The following JADE2 variants were observed in gnomAD, a reference collection of about 807,000 sequenced individuals.
The protein encoded by JADE2 is jade family PHD finger 2, also known as E3 ubiquitin-protein ligase Jade-2.
Under a neutral mutation model 85.7 loss-of-function variants are expected in JADE2, and 13 were observed. That is an observed-to-expected ratio of 0.15 (90% CI 0.10 to 0.24). The LOEUF is 0.24. JADE2 is among the 10% of genes least tolerant of loss of function. The pLI, the probability that JADE2 is intolerant of heterozygous loss-of-function variation, is 1.00. For synonymous variants in JADE2, 440 were observed against 456.1 expected, an observed-to-expected ratio of 0.96 and a Z score of 0.45; for missense variants, 846 against 1,115.9, an observed-to-expected ratio of 0.76 and a Z score of 3.45.
Position 134,535,899 on chromosome 5 carries a change from C to T in JADE2, c.42C>T (p.Asn14=), listed in dbSNP as rs768043765. 6 of 1,613,816 alleles carry T rather than the reference C, an allele frequency of 3.7e-6. No homozygotes were observed. The highest frequency in any genetic ancestry group is 5.1e-6 in the Non-Finnish European group (6 of 1,179,724). Reference sequence around the variant, plus strand: ...GAAAATACTCCATCAGCAGTGACAACTCTGACACCACTGACAGTAAGGCCT... The same window carrying T: ...GAAAATACTCCATCAGCAGTGACAATTCTGACACCACTGACAGTAAGGCCT... ...KRRKYSISSD[N]SDTTDSHATS... The change falls in exon 2 of 12, where the codon AAC becomes AAT. Residue 14 remains asparagine, a synonymous_variant. Coordinates refer to ENST00000681547, the MANE Select transcript of JADE2 (RefSeq NM_001388185.1).
chr5:134,526,642 C>G, intron 1 of JADE2: 8 of 985,544 alleles, frequency 8.1e-6, no homozygotes, highest in Non-Finnish European at 9.6e-6. Context: ...GTCGCCCCCT[C>G]TCCCGGCCCG....
intron 10 of JADE2, chr5:134,574,280 C>A (rs183417780): frequency 4.5e-4 from 86 of 190,516 alleles, no homozygotes; most frequent in South Asian, 1.4e-3. Context: ...TCTTATTATT[C>A]TTATTCTCTT....
intron 2 of JADE2, among the ~76,000 whole-genome samples, chr5:134,536,304 C>G (rs1177685593): frequency 2.0e-5 from 3 of 152,152 alleles, no homozygotes; most frequent in Non-Finnish European, 4.4e-5. Flanking sequence ...GTACCATTTC[C>G]CAATCAGTGG....
intron 1 of JADE2, among the ~76,000 whole-genome samples, chr5:134,535,409 G>A (rs1037481014): frequency 4.6e-5 from 7 of 152,206 alleles, no homozygotes; most frequent in South Asian, 4.2e-4. Flanking sequence ...CCTAACTTCC[G>A]ACAGCATGGT....
rs1053109167 is a variant in JADE2, at chr5:134,580,670, C to G, written c.*1353C>G. On this transcript the variant is annotated 3_prime_UTR_variant, in exon 12 of 12. Transcript: ENST00000681547. ...CTTGCAAAAAGTCCAGTGAATCAGT[C>G]GAATCATTCTGTGGATGCCAAAGAA... 1.5e-4 allele frequency: 23 copies of G among 152,346 alleles called. No individual in the cohort carries two copies. The highest frequency in any genetic ancestry group is 5.6e-4 in the African/African-American group (23 of 41,366). 9.4% of individuals were successfully genotyped at this position (152,346 alleles called of 1,614,324 possible).
intron 11 of JADE2, among the ~76,000 whole-genome samples, chr5:134,577,220 C>G (rs1764431413): frequency 6.6e-6 from 1 of 152,236 alleles, no homozygotes; most frequent in Non-Finnish European, 1.5e-5. Context: ...GGGACAGCCC[C>G]ATGCTGGGAG....
chr5:134,550,182 C>T (rs906380478), intron 3 of JADE2, among the ~76,000 whole-genome samples: 1 of 152,218 alleles, frequency 6.6e-6, no homozygotes, highest in Admixed American at 6.5e-5. Context: ...TTCACACTGG[C>T]ACCCTAATTA....
Position 134,582,116 on chromosome 5 carries a change from C to T in JADE2, c.*2799C>T, listed in dbSNP as rs371475959. The T allele has an allele frequency of 2.6e-5, 4 of 152,234 alleles. No individual in the cohort carries two copies. In the East Asian group the frequency reaches 5.8e-4, roughly 22 times the overall value. The allele number at this position is 152,234 out of a possible 1,614,324, so 9.4% of individuals were successfully genotyped here. ...TGTAACTCATTCTGGCTATCGTCCC[C>T]CTTCTCACTGACCTGACCGCCCACC... On this transcript the variant is annotated 3_prime_UTR_variant, in exon 12 of 12. Transcript: ENST00000681547.
chr5:134,577,377 A>T (rs1429917432), intron 11 of JADE2, among the ~76,000 whole-genome samples: 1 of 152,182 alleles, frequency 6.6e-6, no homozygotes, highest in Non-Finnish European at 1.5e-5. Flanking sequence ...CCACTGTCCC[A>T]GGCCTCCTGT....
chr5:134,529,711 G>T (rs1761105533), intron 1 of JADE2, among the ~76,000 whole-genome samples: 1 of 152,258 alleles, frequency 6.6e-6, no homozygotes, highest in African/African-American at 2.4e-5. Flanking sequence ...AGGCCAGAGA[G>T]CCAGCTCGCT....
At chr5:134,568,031 G>A (rs918320783) in intron 9 of JADE2, among the ~76,000 whole-genome samples, 1 of 152,182 alleles carries the variant, frequency 6.6e-6, no homozygotes, top group Non-Finnish European at 1.5e-5. Flanking sequence ...GTCTCCACCC[G>A]CTGGATCTCC....
chr5:134,570,130 G>A (rs1192625879), intron 9 of JADE2, among the ~76,000 whole-genome samples: 2 of 152,174 alleles, frequency 1.3e-5, no homozygotes, highest in African/African-American at 2.4e-5. Context: ...CACCCAGTAA[G>A]AGCCACTCCC....
Position 134,560,837 on chromosome 5 carries a change from G to A in JADE2, c.564G>A (p.Thr188=), listed in dbSNP as rs147705994. ...CHQNMARAIE[T]QEGLGIEYDE... ...AGAATATGGCCAGGGCCATTGAGACGCAGGAGGGGCTGGGCATCGAGTACG... is the reference window on the plus strand; with the variant it reads ...AGAATATGGCCAGGGCCATTGAGACACAGGAGGGGCTGGGCATCGAGTACG... Residue 188 remains threonine, a synonymous_variant, in exon 6 of 12, where the codon ACG becomes ACA. Transcript: ENST00000681547. 296 of 1,614,106 alleles carry A rather than the reference G, an allele frequency of 1.8e-4. No individual in the cohort carries two copies. Among genetic ancestry groups the A allele is most frequent in the Non-Finnish European group, 2.5e-4 (292 of 1,180,038 alleles).
At chr5:134,535,386 G>C (rs188506103) in intron 1 of JADE2, among the ~76,000 whole-genome samples, 85 of 152,232 alleles carry the variant, frequency 5.6e-4, no homozygotes, top group Middle Eastern at 3.4e-3. Flanking sequence ...AGTGTTTTCT[G>C]TGCTGGCTTG....
chr5:134,557,375 C>CTTT lies in JADE2; in HGVS notation c.312-2441_312-2439dup, dbSNP rs59421890. ...ATTCAGTCTTTTACATTGAAAATAA[C>CTTT]TTTTTTTTTTTTTTTTAATTATACT... On this transcript the variant is annotated intron_variant, in intron 4 of 11. Transcript: ENST00000681547. Among the ~76,000 whole-genome samples the CTTT allele has an allele frequency of 1.8e-3, 221 of 121,754 alleles. 5 individuals are homozygous for CTTT. Among genetic ancestry groups the CTTT allele is most frequent in the South Asian group, 7.0e-3 (27 of 3,834 alleles). The allele number at this position is 121,754 out of a possible 152,430, so 79.9% of individuals were successfully genotyped here.
At position 134,566,021 on chromosome 5, in the gene JADE2, C is replaced by T. The variant is rs1020348713; in HGVS notation, c.970-95C>T. ...TCTGTTTAGGTTCTCTCCAGCATTG[C>T]GCATTCTCAGTAGAGCCCTGGGGGA... On this transcript the variant is annotated intron_variant, in intron 8 of 11. Transcript: ENST00000681547. This position sits in a 1 kb window ranked among gnomAD's most constrained non-coding sequence, Gnocchi z 6.7. The T allele has an allele frequency of 3.1e-5, 33 of 1,072,814 alleles. No homozygotes were observed. Among genetic ancestry groups the T allele is most frequent in the East Asian group, 7.2e-5 (3 of 41,920 alleles). 66.5% of individuals were successfully genotyped at this position (1,072,814 alleles called of 1,614,324 possible). A position where few individuals can be genotyped will look rare whatever the true frequency, so the allele number is the denominator to read the frequency against.
At chr5:134,556,210 C>T (rs1017271906) in intron 4 of JADE2, among the ~76,000 whole-genome samples, 1 of 152,212 alleles carries the variant, frequency 6.6e-6, no homozygotes, top group Non-Finnish European at 1.5e-5. Context: ...GCCTCCCCGC[C>T]CTGGCAGAGC....
rs556758399 is a variant in JADE2 at position 134,539,147 on chromosome 5, C to T, written c.153+1064C>T. ...CGTGATCTCGGCTCACTGCAAGCTC[C>T]GCCTCTTGGGTTCACGCCATTCTCC... On this transcript the variant is annotated intron_variant, in intron 3 of 11. Transcript: ENST00000681547. 1.9e-3 allele frequency among the ~76,000 whole-genome samples: 290 copies of T among 151,382 alleles called. 1 individual carries two copies. Among genetic ancestry groups the T allele is most frequent in the African/African-American group, 6.5e-3 (267 of 41,222 alleles).
At chr5:134,535,418 G>T (rs1370660163) in intron 1 of JADE2, among the ~76,000 whole-genome samples, 4 of 152,140 alleles carry the variant, frequency 2.6e-5, no homozygotes, top group Non-Finnish European at 4.4e-5. Flanking sequence ...CGACAGCATG[G>T]TCCTCCTGGA....
Sources: allele counts gnomAD v4.1 joint callset (sites outside exome capture counted in the v4.1 genomes callset), GRCh38; gene constraint gnomAD v4.1.1; non-coding constraint Gnocchi (gnomAD v3.1); transcripts MANE v1.5; gene names NCBI Gene and HGNC (gene_info 2026-07-23, HGNC 2026-07-21).